The following COL15A1 variants were observed in gnomAD, a reference collection of about 807,000 sequenced individuals.
The protein encoded by COL15A1 is collagen type XV alpha 1 chain, also known as collagen alpha-1(XV) chain.
In COL15A1, 111 loss-of-function variants were observed where a neutral mutation model predicts 165.9. The ratio of observed to expected loss-of-function variants is 0.67; its 90% CI spans 0.57 to 0.78. The LOEUF (loss-of-function observed/expected upper bound fraction) is 0.78. COL15A1 is among the 30% of genes least tolerant of loss of function. COL15A1 has a pLI of 0.00. For missense variants in COL15A1, 1,745 were observed against 1,789.7 expected (o/e 0.98, Z 0.45); for synonymous variants, 659 against 674.8 (o/e 0.98, Z 0.36).
intron 21 of COL15A1, among the ~76,000 whole-genome samples, chr9:99,037,232 T>C (rs2119057607): frequency 6.6e-6 from 1 of 152,310 alleles, no homozygotes; most frequent in African/African-American, 2.4e-5. Flanking sequence ...CATGTCTGAC[T>C]CCTCCACCTG....
At chr9:99,040,482 G>C in intron 22 of COL15A1, 39 bp from the exon 23 acceptor site, 1 of 1,614,088 alleles carries the variant, frequency 6.2e-7, no homozygotes, top group Non-Finnish European at 8.5e-7. Context: ...TGGAAATGCC[G>C]CTCCTAATCC....
At chr9:99,006,831 G>T (rs1406893415) in intron 9 of COL15A1, among the ~76,000 whole-genome samples, 1 of 152,214 alleles carries the variant, frequency 6.6e-6, no homozygotes, top group Non-Finnish European at 1.5e-5. Context: ...TATCTGTAGA[G>T]GTGGTGAGGT....
At position 99,004,973 on chromosome 9, in the gene COL15A1, G is replaced by A; in HGVS notation, c.1276G>A (p.Val426Met). The A allele has an allele frequency of 1.9e-6, 3 of 1,614,082 alleles. No individual in the cohort carries two copies. The highest frequency in any genetic ancestry group is 2.5e-6 in the Non-Finnish European group (3 of 1,179,956). The change falls in exon 9 of 42, where the codon GTG becomes ATG. Residue 426 changes from valine (V) to methionine (M), a missense_variant. Coordinates refer to ENST00000375001, the MANE Select transcript of COL15A1 (RefSeq NM_001855.5). ...GGCACTCGCCAGCATGCCTGGGGAA[G>A]TGGAGGCCAGTGGTGTGGCCCCCGG... is the stretch of plus-strand genomic sequence containing the variant. ...AEALASMPGE[V>M]EASGVAPGEL...
Position 99,004,996 on chromosome 9 carries a change from C to G in COL15A1, c.1299C>G (p.Pro433=). Residue 433 remains proline, a synonymous_variant, in exon 9 of 42, where the codon CCC becomes CCG. Coordinates refer to ENST00000375001, the MANE Select transcript of COL15A1 (RefSeq NM_001855.5). ...AAGTGGAGGCCAGTGGTGTGGCCCC[C>G]GGGGAGCTGGACCTCTCCATGTCCG... is the stretch of plus-strand genomic sequence containing the variant. The part of the protein sequence containing the change: ...PGEVEASGVA[P]GELDLSMSAQ... The G allele has an allele frequency of 6.2e-7, 1 of 1,613,652 alleles. No individual in the cohort carries two copies. Among genetic ancestry groups the G allele is most frequent in the East Asian group, 2.2e-5 (1 of 44,858 alleles).
chr9:98,989,263 G>C lies in COL15A1; in HGVS notation c.804+5G>C. On this transcript the variant is annotated splice_donor_5th_base_variant and intron_variant, in intron 5 of 41. Coordinates refer to ENST00000375001, the MANE Select transcript of COL15A1 (RefSeq NM_001855.5). ...GTCACCTACACTCAAGCCTCGGTGA[G>C]TACTGGGATGCTGTGCCATGTGATC... 1 of 1,608,706 alleles carries C rather than the reference G, an allele frequency of 6.2e-7. No homozygotes were observed. The highest frequency in any genetic ancestry group is 8.5e-7 in the Non-Finnish European group (1 of 1,175,558).
rs199564502 is a variant in COL15A1 at position 98,985,772 on chromosome 9, G to A, written c.308G>A (p.Arg103His). 31 of 1,614,072 alleles carry A rather than the reference G, an allele frequency of 1.9e-5. No individual in the cohort carries two copies. The highest frequency in any genetic ancestry group is 1.2e-4 in the African/African-American group (9 of 75,074). ...GTCGTGGTGAAGCCCAGCAGCACCC[G>A]TGGTGGCGTGCTCTTCGCCATCACT... is the stretch of plus-strand genomic sequence containing the variant. Reference protein sequence around the residue: ...ISVVVKPSSTRGGVLFAITDA... With the variant: ...ISVVVKPSSTHGGVLFAITDA... Residue 103 changes from arginine to histidine, a missense_variant, in exon 3 of 42, where the codon CGT (arginine) becomes CAT (histidine). Arg to His is a conservative substitution (Grantham distance 29). Transcript: ENST00000375001.
intron 2 of COL15A1, among the ~76,000 whole-genome samples, chr9:98,982,327 T>G (rs1838246432): frequency 6.6e-6 from 1 of 152,224 alleles, no homozygotes; most frequent in African/African-American, 2.4e-5. Context: ...CAAAATGATT[T>G]CAACATATAA....
intron 9 of COL15A1, among the ~76,000 whole-genome samples, chr9:99,006,428 C>G (rs977561706): frequency 1.4e-4 from 21 of 152,346 alleles, no homozygotes; most frequent in African/African-American, 5.1e-4. Context: ...ACAACGCCGG[C>G]CTTTGATGTC....
Position 99,017,282 on chromosome 9 carries a change from C to T in COL15A1, c.1647+1163C>T, listed in dbSNP as rs531376680. The stretch of plus-strand genomic sequence containing the variant: ...GATGTGGAGAGGTAAAGTCACCTGC[C>T]ACTGTTGCCTGCCTCTGAGAGGTAG... On this transcript the variant is annotated intron_variant, in intron 11 of 41. Transcript: ENST00000375001. Among the ~76,000 whole-genome samples, 4 of 152,266 alleles carry T rather than the reference C, an allele frequency of 2.6e-5. No homozygotes were observed. In the South Asian group the frequency reaches 8.3e-4, roughly 32 times the overall value.
chr9:99,035,291 T>G, intron 18 of COL15A1, 59 bp from the exon 19 acceptor site: 1 of 1,611,556 alleles, frequency 6.2e-7, no homozygotes, highest in East Asian at 2.2e-5. Flanking sequence ...ACACCACACC[T>G]GGCACAAGTA....
chr9:99,035,511 C>A (rs906214465), intron 19 of COL15A1, 93 bp downstream of exon 19: 25 of 1,489,904 alleles, frequency 1.7e-5, no homozygotes, highest in Admixed American at 1.2e-4. Flanking sequence ...CTGCCACTTT[C>A]AATAACTCAC....
chr9:99,039,001 A>G (rs1227655174), intron 22 of COL15A1, among the ~76,000 whole-genome samples: 2 of 152,244 alleles, frequency 1.3e-5, no homozygotes, highest in Non-Finnish European at 2.9e-5. Flanking sequence ...AGTAACAAAC[A>G]GATGACATCT....
chr9:99,036,281 A>T, intron 20 of COL15A1, 32 bp from the exon 21 acceptor site: 3 of 1,613,836 alleles, frequency 1.9e-6, no homozygotes, highest in African/African-American at 1.3e-5. Context: ...TGTACAGTGA[A>T]TTTTTTTCTC....
At chr9:99,060,649 G>T (rs1825800894) in intron 36 of COL15A1, among the ~76,000 whole-genome samples, 1 of 152,096 alleles carries the variant, frequency 6.6e-6, no homozygotes, top group Non-Finnish European at 1.5e-5. Context: ...ACTTTGAGAG[G>T]CTGAAGCAGG....
At position 99,066,599 on chromosome 9, in the gene COL15A1, G is replaced by GTTTTT. The variant is rs67961829; in HGVS notation, c.3652-262_3652-258dup. On this transcript the variant is annotated intron_variant, in intron 39 of 41. Transcript: ENST00000375001. ...TTTGGTCCAAGCAATATTTTGTTCTGTTTTTTTTTTTTTTTTTTTTTTTTT... is the reference window on the plus strand; with the variant it reads ...TTTGGTCCAAGCAATATTTTGTTCTGTTTTTTTTTTTTTTTTTTTTTTTTTTTTTT... 7.5e-3 allele frequency among the ~76,000 whole-genome samples: 529 copies of GTTTTT among 70,982 alleles called. 46 individuals carry two copies. Among genetic ancestry groups the GTTTTT allele is most frequent in the African/African-American group, 0.023 (435 of 19,102 alleles). 46.6% of individuals were successfully genotyped at this position (70,982 alleles called of 152,430 possible). A position where few individuals can be genotyped will look rare whatever the true frequency, so the allele number is the denominator to read the frequency against.
intron 10 of COL15A1, 104 bp from the exon 11 acceptor site, chr9:99,015,872 A>C: frequency 7.3e-7 from 1 of 1,366,130 alleles, no homozygotes; most frequent in Non-Finnish European, 1.0e-6. Flanking sequence ...GTAGGTAAGA[A>C]CGTGCTTTGA....
Position 99,055,281 on chromosome 9 carries a change from G to T in COL15A1, c.3101G>T (p.Gly1034Val), listed in dbSNP as rs779885966. ...TTCCAGGGGGAGAATGGAGACAAGG[G>T]GTTCAAAGGTGAAAAAGGAGAAAAA... ...NNLKGENGDK[G>V]FKGEKGEKGD... Residue 1034 changes from glycine to valine, a missense_variant, in exon 34 of 42, where the codon GGG (glycine) becomes GTG (valine). By Grantham distance (109) the Gly-to-Val change is moderately radical. Coordinates refer to ENST00000375001, the MANE Select transcript of COL15A1 (RefSeq NM_001855.5). 2 of 1,612,954 alleles carry T rather than the reference G, an allele frequency of 1.2e-6. No individual in the cohort carries two copies. Among genetic ancestry groups the T allele is most frequent in the African/African-American group, 2.7e-5 (2 of 74,892 alleles).
chr9:99,024,707 T>C (rs978309888), intron 14 of COL15A1, among the ~76,000 whole-genome samples, 167 bp from the exon 15 acceptor site: 1 of 152,232 alleles, frequency 6.6e-6, no homozygotes, highest in Non-Finnish European at 1.5e-5. Context: ...CTGAGAGCCC[T>C]TGAGTCGCAT....
intron 21 of COL15A1, among the ~76,000 whole-genome samples, chr9:99,038,195 T>C (rs956889658): frequency 2.0e-5 from 3 of 152,174 alleles, no homozygotes; most frequent in African/African-American, 7.2e-5. Flanking sequence ...GGTGGAAGTG[T>C]AAATTGGCCC....
Sources: allele counts gnomAD v4.1 joint callset (sites outside exome capture counted in the v4.1 genomes callset), GRCh38; gene constraint gnomAD v4.1.1; transcripts MANE v1.5; gene names NCBI Gene and HGNC (gene_info 2026-07-23, HGNC 2026-07-21).